Variants in RABGAP1L observed in about 807,000 individuals in gnomAD.
RABGAP1L encodes RAB GTPase activating protein 1 like.
Under a neutral mutation model 137.7 loss-of-function variants are expected in RABGAP1L, and 63 were observed. That is an observed-to-expected ratio of 0.46 (90% CI 0.37 to 0.56). RABGAP1L has a LOEUF of 0.56. Ranked by LOEUF, RABGAP1L falls within the 20% of genes least tolerant of loss-of-function variation. The probability of loss-of-function intolerance (pLI) is 0.00; values close to 1 mark genes in which losing one functional copy is unlikely to be tolerated. For missense variants in RABGAP1L, 1,095 were observed against 1,244.0 expected (o/e 0.88, Z 1.80); for synonymous variants, 431 against 433.7 (o/e 0.99, Z 0.08).
chr1:174,937,877 CT>C (rs1231535194), intron 19 of RABGAP1L, among the ~76,000 whole-genome samples: 1 of 146,402 alleles, frequency 6.8e-6, no homozygotes, highest in Non-Finnish European at 1.5e-5. Context: ...TTTTTTCTTT[CT>C]TTTTTTTGTA....
At chr1:174,756,153 C>A (rs1271856402) in intron 18 of RABGAP1L, among the ~76,000 whole-genome samples, 1 of 152,012 alleles carries the variant, frequency 6.6e-6, no homozygotes, top group African/African-American at 2.4e-5. Flanking sequence ...ACTGTATGTG[C>A]CATAATTTAT....
intron 19 of RABGAP1L, among the ~76,000 whole-genome samples, chr1:174,920,901 G>A (rs1318623708): frequency 6.6e-6 from 1 of 152,096 alleles, no homozygotes; most frequent in Non-Finnish European, 1.5e-5. Context: ...TATTGGTTAA[G>A]CCCTTCAGTC....
intron 15 of RABGAP1L, among the ~76,000 whole-genome samples, chr1:174,696,435 T>C (rs1679266249): frequency 6.6e-6 from 1 of 152,148 alleles, no homozygotes; most frequent in Admixed American, 6.5e-5. Flanking sequence ...TTCACTGGAT[T>C]GTATGTACCC....
intron 13 of RABGAP1L, among the ~76,000 whole-genome samples, chr1:174,535,133 T>C (rs1029901364): frequency 6.6e-6 from 1 of 152,250 alleles, no homozygotes; most frequent in African/African-American, 2.4e-5. Context: ...CTGTTGCAGT[T>C]AAGACAATTT....
At chr1:174,693,599 A>G (rs1679031263) in intron 15 of RABGAP1L, among the ~76,000 whole-genome samples, 1 of 151,884 alleles carries the variant, frequency 6.6e-6, no homozygotes, top group Admixed American at 6.6e-5. Context: ...TGCAAATGAT[A>G]TTTTATTTTA....
chr1:174,390,931 C>G (rs1159186377), intron 12 of RABGAP1L, among the ~76,000 whole-genome samples: 1 of 151,948 alleles, frequency 6.6e-6, no homozygotes, highest in Non-Finnish European at 1.5e-5. Context: ...GTGATAATGC[C>G]TAGAGACAAG....
At chr1:174,494,999 A>T (rs1660610044) in intron 13 of RABGAP1L, among the ~76,000 whole-genome samples, 1 of 152,068 alleles carries the variant, frequency 6.6e-6, no homozygotes, top group Non-Finnish European at 1.5e-5. Flanking sequence ...ACCTTCTAGC[A>T]TTGACCCCCT....
At chr1:174,799,468 A>C (rs1179077177) in intron 18 of RABGAP1L, among the ~76,000 whole-genome samples, 2 of 152,168 alleles carry the variant, frequency 1.3e-5, no homozygotes, top group African/African-American at 4.8e-5. Flanking sequence ...AGCAAGAGTG[A>C]ATAAAGGTCA....
chr1:174,311,559 A>G (rs1383854544), intron 11 of RABGAP1L, among the ~76,000 whole-genome samples: 1 of 152,218 alleles, frequency 6.6e-6, no homozygotes, highest in African/African-American at 2.4e-5. Flanking sequence ...TATTTCACTT[A>G]ACATAATGAT....
intron 11 of RABGAP1L, among the ~76,000 whole-genome samples, chr1:174,361,750 T>G (rs1684161726): frequency 6.6e-6 from 1 of 152,206 alleles, no homozygotes; most frequent in African/African-American, 2.4e-5. Flanking sequence ...TTCTTCCTTT[T>G]CAGTATGAAT....
intron 19 of RABGAP1L, among the ~76,000 whole-genome samples, chr1:174,935,811 G>T (rs551273390): frequency 4.0e-5 from 6 of 151,882 alleles, no homozygotes; most frequent in Middle Eastern, 3.4e-3. Flanking sequence ...GTGAAACCCC[G>T]TCTCTACTAA....
intron 5 of RABGAP1L, among the ~76,000 whole-genome samples, chr1:174,247,153 A>T (rs1192950198): frequency 6.6e-6 from 1 of 152,056 alleles, no homozygotes; most frequent in African/African-American, 2.4e-5. Flanking sequence ...TTTTTTTGAT[A>T]TGGCCTTCTG....
chr1:174,851,346 C>T (rs1648293313), intron 19 of RABGAP1L, among the ~76,000 whole-genome samples: 1 of 152,156 alleles, frequency 6.6e-6, no homozygotes, highest in Admixed American at 6.5e-5. Flanking sequence ...TGTCATGTGT[C>T]AGCCAGAGGC....
chr1:174,794,875 A>G (rs2148807733), intron 18 of RABGAP1L, among the ~76,000 whole-genome samples: 1 of 152,312 alleles, frequency 6.6e-6, no homozygotes, highest in South Asian at 2.1e-4. Flanking sequence ...AACTACTGAA[A>G]TAACTACCTA....
intron 13 of RABGAP1L, among the ~76,000 whole-genome samples, chr1:174,622,530 T>A (rs889910875): frequency 1.1e-4 from 16 of 152,106 alleles, no homozygotes; most frequent in Non-Finnish European, 1.8e-4. Flanking sequence ...AGCCATAAAA[T>A]ATGATGAGTT....
Position 174,982,743 on chromosome 1 carries a change from C to A in RABGAP1L, c.2734-91C>A. 1.6e-6 allele frequency: 2 copies of A among 1,250,796 alleles called. 1 individual carries two copies. Among genetic ancestry groups the A allele is most frequent in the South Asian group, 2.6e-5 (2 of 76,940 alleles). The allele number at this position is 1,250,796 out of a possible 1,614,324, so 77.5% of individuals were successfully genotyped here. Reference sequence around the variant, plus strand: ...AAAATTCCTTCTAGGATCAGATGTGCTAGCATAACACATGAATTGATAAGT... The same window carrying A: ...AAAATTCCTTCTAGGATCAGATGTGATAGCATAACACATGAATTGATAAGT... On this transcript the variant is annotated intron_variant, in intron 23 of 25. Transcript: ENST00000681986.
At chr1:174,760,634 A>C (rs1271798360) in intron 18 of RABGAP1L, among the ~76,000 whole-genome samples, 1 of 152,208 alleles carries the variant, frequency 6.6e-6, no homozygotes, top group Non-Finnish European at 1.5e-5. Context: ...ATGAACATGC[A>C]TGTGCATGTG....
intron 19 of RABGAP1L, among the ~76,000 whole-genome samples, chr1:174,859,306 G>A (rs1027547894): frequency 2.0e-5 from 3 of 151,720 alleles, no homozygotes; most frequent in African/African-American, 4.8e-5. Context: ...ATGGTGAAAC[G>A]CCATCTCTAC....
intron 11 of RABGAP1L, 29 bp downstream of exon 11, chr1:174,305,156 C>G: frequency 6.7e-7 from 1 of 1,501,402 alleles, no homozygotes; most frequent in Non-Finnish European, 8.8e-7. Flanking sequence ...TCAGTTTATT[C>G]TGTCTGTATA....
Sources: allele counts gnomAD v4.1 joint callset (sites outside exome capture counted in the v4.1 genomes callset), GRCh38; gene constraint gnomAD v4.1.1; transcripts MANE v1.5; gene names NCBI Gene and HGNC (gene_info 2026-07-23, HGNC 2026-07-21).